Variants in TMEM45B observed in about 807,000 individuals in gnomAD.
TMEM45B encodes the protein transmembrane protein 45B.
A neutral mutation model predicts 27.3 loss-of-function variants in TMEM45B; 29 were observed. The observed-to-expected ratio is 1.06, with a 90% CI of 0.79 to 1.45. The LOEUF is 1.45. Ranked by LOEUF, TMEM45B falls within the 40% of genes most tolerant of loss-of-function variation. The pLI, the probability that TMEM45B is intolerant of heterozygous loss-of-function variation, is 0.00. For missense variants in TMEM45B, 348 were observed against 343.9 expected (o/e 1.01, Z -0.09); for synonymous variants, 143 against 134.7 (o/e 1.06, Z -0.43).
At chr11:129,848,553 G>A (rs1418581913) in intron 1 of TMEM45B, among the ~76,000 whole-genome samples, 1 of 152,114 alleles carries the variant, frequency 6.6e-6, no homozygotes, top group Admixed American at 6.5e-5. Flanking sequence ...CTTGATGATG[G>A]GTGGGACCCT....
At chr11:129,854,998 T>C (rs1447660904) in intron 3 of TMEM45B, among the ~76,000 whole-genome samples, 182 bp downstream of exon 3, 1 of 152,182 alleles carries the variant, frequency 6.6e-6, no homozygotes, top group Non-Finnish European at 1.5e-5. Flanking sequence ...AGGTGACATA[T>C]TCCCTAAAGT....
intron 1 of TMEM45B, among the ~76,000 whole-genome samples, chr11:129,844,880 A>G (rs1445844371): frequency 6.6e-6 from 1 of 152,190 alleles, no homozygotes; most frequent in Non-Finnish European, 1.5e-5. Flanking sequence ...GAGTATATAC[A>G]ATTTTTATTT....
In TMEM45B at chr11:129,857,443, A is replaced by G. The variant is rs762656431; in HGVS notation, c.701A>G (p.Tyr234Cys). 3.0e-5 allele frequency: 49 copies of G among 1,614,010 alleles called. No individual in the cohort carries two copies. The Admixed American group carries it at 8.0e-4, about 26-fold the overall frequency. The change falls in exon 5 of 6, where the codon TAT (tyrosine) becomes TGT (cysteine). Residue 234 changes from tyrosine (Y) to cysteine (C), a missense_variant. By Grantham distance (194) the Tyr-to-Cys change is radical. Transcript: ENST00000281441. ...GCCCTCAGCATTGTGGCCGTCAACT[A>G]TTCTCTTGTTTACTGGTATGTCTGA... ...LAALSIVAVN[Y>C]SLVYCLLTRM...
At chr11:129,829,792 A>G (rs1947526736) in intron 1 of TMEM45B, among the ~76,000 whole-genome samples, 1 of 152,218 alleles carries the variant, frequency 6.6e-6, no homozygotes, top group African/African-American at 2.4e-5. Flanking sequence ...AAGTATTTTT[A>G]TATGAATCAT....
chr11:129,852,688 G>T, intron 2 of TMEM45B, 28 bp downstream of exon 2: 1 of 1,580,620 alleles, frequency 6.3e-7, no homozygotes. Flanking sequence ...TTGGTCTAGG[G>T]AATCTCCTCA....
At chr11:129,827,783 C>T (rs1947503521) in intron 1 of TMEM45B, among the ~76,000 whole-genome samples, 1 of 152,016 alleles carries the variant, frequency 6.6e-6, no homozygotes, top group South Asian at 2.1e-4. Context: ...GCCTGGGCAA[C>T]AAGAGCGAAA....
chr11:129,837,408 C>A (rs1158078504), intron 1 of TMEM45B, among the ~76,000 whole-genome samples: 1 of 151,638 alleles, frequency 6.6e-6, no homozygotes, highest in Non-Finnish European at 1.5e-5. Flanking sequence ...GCCTCAGCCT[C>A]CTGAGTAGCT....
chr11:129,843,746 C>T (rs1947725103), intron 1 of TMEM45B, among the ~76,000 whole-genome samples: 1 of 152,108 alleles, frequency 6.6e-6, no homozygotes, highest in African/African-American at 2.4e-5. Flanking sequence ...AAGATATTAC[C>T]TTATACCTGT....
chr11:129,832,414 T>C (rs520475), intron 1 of TMEM45B, among the ~76,000 whole-genome samples: 1 of 152,050 alleles, frequency 6.6e-6, no homozygotes, highest in South Asian at 2.1e-4. Flanking sequence ...TGCTATACCA[T>C]GGATGAATCT....
rs375699692 is a variant in TMEM45B at position 129,855,744 on chromosome 11, C to T, written c.422C>T (p.Pro141Leu). ...LFYYHVHNRPPLDQHIHSLLL... is the reference protein window; with the variant it reads ...LFYYHVHNRPLLDQHIHSLLL... ...TACTACCACGTCCACAACCGGCCTC[C>T]GCTGGACCAGCACATCCACTCACTC... The change falls in exon 4 of 6, where the codon CCG (proline) becomes CTG (leucine). Residue 141 changes from proline (P) to leucine (L), a missense_variant. Transcript: ENST00000281441. 13 of 1,614,064 alleles carry T rather than the reference C, an allele frequency of 8.1e-6. No homozygotes were observed. Among genetic ancestry groups the T allele is most frequent in the Middle Eastern group, 1.6e-4 (1 of 6,084 alleles).
chr11:129,855,735 A>G lies in TMEM45B; in HGVS notation c.413A>G (p.Asn138Ser), dbSNP rs759481364. The change falls in exon 4 of 6, where the codon AAC becomes AGC. Residue 138 changes from asparagine to serine, a missense_variant. Physicochemically the swap from Asn to Ser is conservative, Grantham distance 46. Transcript: ENST00000281441. ...TTCCTCTTCTACTACCACGTCCACA[A>G]CCGGCCTCCGCTGGACCAGCACATC... ...EGFLFYYHVHNRPPLDQHIHS... is the reference protein window; with the variant it reads ...EGFLFYYHVHSRPPLDQHIHS... The G allele has an allele frequency of 6.2e-7, 1 of 1,614,014 alleles. No homozygotes were observed. Among genetic ancestry groups the G allele is most frequent in the Non-Finnish European group, 8.5e-7 (1 of 1,180,042 alleles).
chr11:129,817,269 C>T (rs537426949), intron 1 of TMEM45B, among the ~76,000 whole-genome samples: 9 of 152,266 alleles, frequency 5.9e-5, no homozygotes, highest in African/African-American at 2.2e-4. Flanking sequence ...TTCAGTATAA[C>T]CTGGATGTTG....
intron 1 of TMEM45B, chr11:129,827,160 G>C (rs1266745524): frequency 6.6e-6 from 1 of 152,266 alleles, no homozygotes; most frequent in Non-Finnish European, 1.5e-5. Context: ...ACTGCTACCA[G>C]TACGTCCCAG....
intron 1 of TMEM45B, among the ~76,000 whole-genome samples, chr11:129,818,272 C>T (rs1470942869): frequency 1.3e-5 from 2 of 152,192 alleles, no homozygotes; most frequent in African/African-American, 2.4e-5. Context: ...ACAAGCTACA[C>T]TACTGGAGGA....
intron 1 of TMEM45B, among the ~76,000 whole-genome samples, chr11:129,836,708 C>T (rs959913714): frequency 6.6e-6 from 1 of 152,150 alleles, no homozygotes; most frequent in African/African-American, 2.4e-5. Context: ...ATCTCCAAGC[C>T]AAGGAGAGAG....
Position 129,837,125 on chromosome 11 carries a change from G to A in TMEM45B, c.-8-15350G>A, listed in dbSNP as rs568963526. On this transcript the variant is annotated intron_variant, in intron 1 of 5. Transcript: ENST00000281441. ...CTTCCCAAAGCCCTTTAGTCCTGAA[G>A]GGAGAAGAGAACAGGCTGCCTTCTT... 5.3e-5 allele frequency among the ~76,000 whole-genome samples: 8 copies of A among 152,110 alleles called. No individual in the cohort carries two copies. In the South Asian group the frequency reaches 1.7e-3, roughly 32 times the overall value.
intron 4 of TMEM45B, among the ~76,000 whole-genome samples, chr11:129,857,112 G>T (rs562106006): frequency 6.6e-6 from 1 of 152,132 alleles, no homozygotes; most frequent in South Asian, 2.1e-4. Flanking sequence ...TCAGCCTCCC[G>T]AAGTGCTGGT....
intron 1 of TMEM45B, among the ~76,000 whole-genome samples, chr11:129,852,027 T>A (rs942499307): frequency 4.6e-5 from 7 of 152,260 alleles, no homozygotes; most frequent in Non-Finnish European, 1.0e-4. Context: ...CTTTTTCTTA[T>A]CAATTTGTAA....
At chr11:129,816,783 G>T (rs1035300712) in intron 1 of TMEM45B, among the ~76,000 whole-genome samples, 3 of 129,526 alleles carry the variant, frequency 2.3e-5, no homozygotes, top group African/African-American at 8.8e-5. Flanking sequence ...TGTCGCCCAG[G>T]CTGGAGTGCA....
Sources: allele counts gnomAD v4.1 joint callset (sites outside exome capture counted in the v4.1 genomes callset), GRCh38; gene constraint gnomAD v4.1.1; transcripts MANE v1.5; gene names NCBI Gene and HGNC (gene_info 2026-07-23, HGNC 2026-07-21).